The following AVL9 variants were observed in gnomAD, a reference collection of about 807,000 sequenced individuals.
AVL9 encodes AVL9 cell migration associated.
A neutral mutation model predicts 79.2 loss-of-function variants in AVL9; 49 were observed. That is an observed-to-expected ratio of 0.62 (90% CI 0.49 to 0.79). The LOEUF (loss-of-function observed/expected upper bound fraction) is 0.79. AVL9 is among the 30% of genes least tolerant of loss of function. AVL9 has a pLI of 0.00. For synonymous variants in AVL9, 299 were observed against 280.6 expected (o/e 1.07, Z -0.65); for missense variants, 682 against 776.8 (o/e 0.88, Z 1.45).
chr7:32,580,833 A>T lies in AVL9; in HGVS notation c.1774A>T (p.Ile592Phe). ...SVQNSERGKK[I>F]GNVMVTTSRN... ...TCAGAATAGTGAACGTGGCAAAAAA[A>T]TTGGAAACGTCATGGTCACAACTAG... The change falls in exon 15 of 16, where the codon ATT becomes TTT. Residue 592 changes from isoleucine (I) to phenylalanine (F), a missense_variant. By Grantham distance (21) the Ile-to-Phe change is conservative (BLOSUM62 0). Transcript: ENST00000318709. 1 of 1,613,942 alleles carries T rather than the reference A, an allele frequency of 6.2e-7. No individual in the cohort carries two copies. The highest frequency in any genetic ancestry group is 8.5e-7 in the Non-Finnish European group (1 of 1,179,930).
At chr7:32,561,365 A>G (rs932174374) in intron 10 of AVL9, among the ~76,000 whole-genome samples, 1 of 152,234 alleles carries the variant, frequency 6.6e-6, no homozygotes, top group Non-Finnish European at 1.5e-5. Flanking sequence ...CAGCTTCTTC[A>G]TCAGCACTTG....
At chr7:32,521,697 G>A (rs138506766) in intron 1 of AVL9, among the ~76,000 whole-genome samples, 1,718 of 152,320 alleles carry the variant, frequency 0.011, 35 homozygotes, top group African/African-American at 0.038. Flanking sequence ...GCGGAAATTT[G>A]TGTAAGTAGC....
chr7:32,551,275 C>A, intron 4 of AVL9, 59 bp from the exon 5 acceptor site: 3 of 1,128,918 alleles, frequency 2.7e-6, no homozygotes, highest in South Asian at 1.5e-5. Context: ...TATTATCAAC[C>A]AATTTTACTG....
At chr7:32,520,830 C>G (rs745820878) in intron 1 of AVL9, among the ~76,000 whole-genome samples, 2 of 152,034 alleles carry the variant, frequency 1.3e-5, no homozygotes, top group Non-Finnish European at 2.9e-5. Context: ...TGGGCTGTGT[C>G]CCCACCCAAA....
intron 13 of AVL9, among the ~76,000 whole-genome samples, chr7:32,578,456 G>C (rs556052466): frequency 6.6e-6 from 1 of 152,228 alleles, no homozygotes; most frequent in African/African-American, 2.4e-5. Context: ...GTATATTTTG[G>C]GGTGAAATAG....
intron 10 of AVL9, among the ~76,000 whole-genome samples, chr7:32,563,137 T>G (rs1229798495): frequency 6.6e-6 from 1 of 152,126 alleles, no homozygotes; most frequent in Non-Finnish European, 1.5e-5. Flanking sequence ...GTTCAAGCGA[T>G]TCTCCTGCCT....
In AVL9 at chr7:32,584,116, T is replaced by G; in HGVS notation, c.*209T>G. 1 of 604,776 alleles carries G rather than the reference T, an allele frequency of 1.7e-6. No individual in the cohort carries two copies. The highest frequency in any genetic ancestry group is 1.9e-5 in the South Asian group (1 of 52,992). The allele number at this position is 604,776 out of a possible 1,614,324, so 37.5% of individuals were successfully genotyped here. On this transcript the variant is annotated 3_prime_UTR_variant, in exon 16 of 16. Transcript: ENST00000318709. ...ATGGCTTTCCAGGTTGGGGTTTCAATTGACTACTTTTATTTCAGTCTGAGC... is the reference window on the plus strand; with the variant it reads ...ATGGCTTTCCAGGTTGGGGTTTCAAGTGACTACTTTTATTTCAGTCTGAGC...
chr7:32,554,719 G>A (rs1789984748), intron 8 of AVL9, 123 bp downstream of exon 8: 1 of 550,600 alleles, frequency 1.8e-6, no homozygotes, highest in South Asian at 5.1e-5. Flanking sequence ...TATCATTGTG[G>A]TAAGCTGAAG....
At chr7:32,576,705 G>A (rs1285087153) in intron 13 of AVL9, among the ~76,000 whole-genome samples, 2 of 152,006 alleles carry the variant, frequency 1.3e-5, no homozygotes, top group Non-Finnish European at 2.9e-5. Context: ...AGAATCCCTT[G>A]AATCCAGGAG....
At chr7:32,561,612 CTTACCATTTGTGTGT>C (rs1790336018) in intron 10 of AVL9, among the ~76,000 whole-genome samples, 1 of 152,222 alleles carries the variant, frequency 6.6e-6, no homozygotes, top group Non-Finnish European at 1.5e-5. Flanking sequence ...GTTTCACTTT[CTTACCATTTGTGTGT>C]TCACTGGTTT....
chr7:32,495,885 A>T (rs999993334), intron 1 of AVL9, 83 bp downstream of exon 1: 50 of 937,928 alleles, frequency 5.3e-5, no homozygotes, highest in Non-Finnish European at 6.7e-5. Flanking sequence ...CTGTGTGCTC[A>T]GCTCGCGTCG....
intron 14 of AVL9, 98 bp downstream of exon 14, chr7:32,580,370 C>T (rs756299755): frequency 1.5e-4 from 146 of 959,670 alleles, no homozygotes; most frequent in Non-Finnish European, 2.3e-4. Flanking sequence ...ACTTGATAGA[C>T]TTATGCTTCA....
At chr7:32,519,583 A>G (rs1334883675) in intron 1 of AVL9, among the ~76,000 whole-genome samples, 1 of 152,238 alleles carries the variant, frequency 6.6e-6, no homozygotes, top group East Asian at 1.9e-4. Flanking sequence ...TCTTAAAATC[A>G]TGTTAAGTAA....
rs1447589026 is a variant in AVL9, at chr7:32,558,612, G to A, written c.663G>A (p.Val221=). 6.2e-7 allele frequency: 1 copy of A among 1,611,312 alleles called. No individual in the cohort carries two copies. The stretch of plus-strand genomic sequence containing the variant: ...AATTGGTGGGTGCACTGATGACTGT[G>A]TTATCCCTTTTTCCAGGTAAGAAAA... The part of the protein sequence containing the change: ...VNKLVGALMT[V]LSLFPGMIEH... The change falls in exon 9 of 16, where the codon GTG becomes GTA. Residue 221 remains valine (V), a synonymous_variant. Coordinates refer to ENST00000318709, the MANE Select transcript of AVL9 (RefSeq NM_015060.3).
intron 1 of AVL9, among the ~76,000 whole-genome samples, chr7:32,514,111 T>C (rs1787806341): frequency 6.6e-6 from 1 of 152,198 alleles, no homozygotes; most frequent in Non-Finnish European, 1.5e-5. Context: ...AACAAATGCC[T>C]TCCTCTTATC....
At position 32,548,144 on chromosome 7, in the gene AVL9, C is replaced by CTCTTTTTTTTTTTTTTTT. The variant is rs1227025763; in HGVS notation, c.301-702_301-701insCTTTTTTTTTTTTTTTTT. Reference sequence around the variant, plus strand: ...AACAAGCTGTCTGTTTTTGTCATCTCTTTTTTCTTTTTTTTTTTTTTGAGA... The same window carrying CTCTTTTTTTTTTTTTTTT: ...AACAAGCTGTCTGTTTTTGTCATCTCTCTTTTTTTTTTTTTTTTTTTTTTCTTTTTTTTTTTTTTGAGA... On this transcript the variant is annotated intron_variant, in intron 3 of 15. Coordinates refer to ENST00000318709, the MANE Select transcript of AVL9 (RefSeq NM_015060.3). 7.5e-4 allele frequency among the ~76,000 whole-genome samples: 43 copies of CTCTTTTTTTTTTTTTTTT among 57,574 alleles called. 4 individuals are homozygous for CTCTTTTTTTTTTTTTTTT. Among genetic ancestry groups the CTCTTTTTTTTTTTTTTTT allele is most frequent in the African/African-American group, 2.2e-3 (41 of 18,506 alleles). 37.8% of individuals were successfully genotyped at this position (57,574 alleles called of 152,430 possible).
intron 10 of AVL9, chr7:32,562,567 G>C: frequency 1.1e-6 from 1 of 941,192 alleles, no homozygotes; most frequent in Non-Finnish European, 1.3e-6. Flanking sequence ...GTCTTTTCAG[G>C]ATATCATTTC....
Position 32,578,875 on chromosome 7 carries a change from T to C in AVL9, c.1689-1344T>C, listed in dbSNP as rs552257678. Among the ~76,000 whole-genome samples the C allele has an allele frequency of 3.3e-5, 5 of 152,226 alleles. No homozygotes were observed. In the East Asian group the frequency reaches 9.6e-4, roughly 29 times the overall value. On this transcript the variant is annotated intron_variant, in intron 13 of 15. Transcript: ENST00000318709. ...TCATTTAGAAATATTTCAAACTAAT[T>C]ATAACTTTTGAGAAGTATGAAACCC...
intron 11 of AVL9, among the ~76,000 whole-genome samples, chr7:32,570,556 A>T (rs1228045534): frequency 6.6e-6 from 1 of 152,210 alleles, no homozygotes; most frequent in African/African-American, 2.4e-5. Context: ...AAAGCTAGGA[A>T]TAAATATTTG....
Sources: gnomAD v4.1 joint callset for allele counts (sites outside exome capture counted in the v4.1 genomes callset) on GRCh38, gnomAD v4.1.1 for gene constraint, MANE v1.5 for transcripts, NCBI Gene and HGNC (gene_info 2026-07-23, HGNC 2026-07-21) for gene names.